The following JAKMIP2 variants were observed in gnomAD, a reference collection of about 807,000 sequenced individuals.
The protein encoded by JAKMIP2 is janus kinase and microtubule interacting protein 2.
A neutral mutation model predicts 115.0 loss-of-function variants in JAKMIP2; 25 were observed. The ratio of observed to expected loss-of-function variants is 0.22; its 90% CI spans 0.16 to 0.30. The LOEUF (loss-of-function observed/expected upper bound fraction) is 0.30, where lower values mean the gene tolerates loss of function less well. Among genes scored for constraint, JAKMIP2 ranks in the 10% least tolerant of loss-of-function variants. JAKMIP2 has a pLI of 1.00. For missense variants in JAKMIP2, 642 were observed against 957.6 expected, an observed-to-expected ratio of 0.67 and a Z score of 4.35; for synonymous variants, 334 against 343.6, an observed-to-expected ratio of 0.97 and a Z score of 0.31.
intron 1 of JAKMIP2, among the ~76,000 whole-genome samples, chr5:147,763,603 T>G (rs1242701496): frequency 6.6e-6 from 1 of 152,114 alleles, no homozygotes; most frequent in Non-Finnish European, 1.5e-5. Flanking sequence ...CTTCCACAAT[T>G]GGGTAAATAT....
chr5:147,657,552 T>C (rs1374613161), intron 3 of JAKMIP2, among the ~76,000 whole-genome samples: 1 of 152,198 alleles, frequency 6.6e-6, no homozygotes, highest in African/African-American at 2.4e-5. Context: ...TTGGCCTGTC[T>C]TGCTAGGTTG....
intron 16 of JAKMIP2, among the ~76,000 whole-genome samples, chr5:147,625,169 C>G (rs1360976587): frequency 6.6e-6 from 1 of 151,984 alleles, no homozygotes; most frequent in East Asian, 1.9e-4. Context: ...TTAGTAGAGA[C>G]GGGGTTTCAC....
At chr5:147,735,731 G>A (rs561384908) in intron 1 of JAKMIP2, among the ~76,000 whole-genome samples, 43 of 152,304 alleles carry the variant, frequency 2.8e-4, no homozygotes, top group African/African-American at 1.0e-3. Flanking sequence ...TTAATGATTA[G>A]CCTTCTTTCA....
intron 1 of JAKMIP2, among the ~76,000 whole-genome samples, chr5:147,757,845 GA>G (rs1754801906): frequency 6.6e-6 from 1 of 152,038 alleles, no homozygotes; most frequent in African/African-American, 2.4e-5. Flanking sequence ...ATATTTGATA[GA>G]AATATGATGA....
chr5:147,761,591 A>G (rs1384661143), intron 1 of JAKMIP2, among the ~76,000 whole-genome samples: 1 of 152,154 alleles, frequency 6.6e-6, no homozygotes, highest in Non-Finnish European at 1.5e-5. Flanking sequence ...TATATTTAAC[A>G]GCTGAGAAAA....
At chr5:147,620,573 C>T (rs978659214) in intron 18 of JAKMIP2, 93 bp downstream of exon 18, 2 of 825,958 alleles carry the variant, frequency 2.4e-6, no homozygotes, top group Admixed American at 4.2e-5. Flanking sequence ...GTGATCTATT[C>T]AAGTACATAG....
intron 1 of JAKMIP2, among the ~76,000 whole-genome samples, chr5:147,700,254 G>A (rs1752270565): frequency 6.6e-6 from 1 of 151,560 alleles, no homozygotes; most frequent in East Asian, 1.9e-4. Context: ...ATAAAATAAG[G>A]GATATAAACA....
intron 21 of JAKMIP2, among the ~76,000 whole-genome samples, chr5:147,598,462 T>TCTATCTATCTCTCAC (rs1554123568): frequency 6.7e-6 from 1 of 148,302 alleles, no homozygotes; most frequent in African/African-American, 2.5e-5. Flanking sequence ...CTATCTATCA[T>TCTATCTATCTCTCAC]CTATCTATGT....
chr5:147,661,205 C>A lies in JAKMIP2; in HGVS notation c.370G>T (p.Gly124Cys), dbSNP rs924990107. 1 of 1,614,014 alleles carries A rather than the reference C, an allele frequency of 6.2e-7. No homozygotes were observed. The highest frequency in any genetic ancestry group is 1.1e-5 in the South Asian group (1 of 91,064). Reference sequence around the variant, plus strand: ...GCTGTCCTTACTTTGTCACTGCTGCCGTCGCGGAGAGCACAGAGAGCAGAC... The same window carrying A: ...GCTGTCCTTACTTTGTCACTGCTGCAGTCGCGGAGAGCACAGAGAGCAGAC... ...LKSALCALRD[G>C]SSDKVRTALT... Residue 124 changes from glycine (G) to cysteine (C), a missense_variant, in exon 3 of 22, where the codon GGC becomes TGC. This residue lies in a region of JAKMIP2 where 439 missense variants were observed against 570.9 expected (regional missense o/e 0.77). Coordinates refer to ENST00000616793, the MANE Select transcript of JAKMIP2 (RefSeq NM_001270941.2).
intron 1 of JAKMIP2, among the ~76,000 whole-genome samples, chr5:147,699,985 A>G (rs943261608): frequency 1.3e-5 from 2 of 152,238 alleles, no homozygotes; most frequent in African/African-American, 4.8e-5. Flanking sequence ...TACGCTATCT[A>G]TGTTGGTTGA....
At chr5:147,782,248 A>T (rs1202147702) in intron 1 of JAKMIP2, among the ~76,000 whole-genome samples, 4 of 144,820 alleles carry the variant, frequency 2.8e-5, no homozygotes, top group Non-Finnish European at 6.1e-5. Flanking sequence ...TCAGAACACC[A>T]TTTTTTTTTT....
chr5:147,688,868 A>G (rs1760699009), intron 1 of JAKMIP2, among the ~76,000 whole-genome samples: 1 of 152,272 alleles, frequency 6.6e-6, no homozygotes, highest in African/African-American at 2.4e-5. Context: ...ACAGCAGTGA[A>G]TAAATAAAAC....
At chr5:147,647,937 T>TA (rs1758205461) in intron 5 of JAKMIP2, among the ~76,000 whole-genome samples, 1 of 152,236 alleles carries the variant, frequency 6.6e-6, no homozygotes, top group African/African-American at 2.4e-5. Flanking sequence ...TATATTGTGA[T>TA]ATATTATTTG....
chr5:147,728,013 A>G (rs971931369), intron 1 of JAKMIP2, among the ~76,000 whole-genome samples: 3 of 152,210 alleles, frequency 2.0e-5, no homozygotes, highest in Non-Finnish European at 2.9e-5. Flanking sequence ...CCAGGGATTA[A>G]AAGCAGACAG....
At chr5:147,593,095 C>T (rs150089083) in intron 21 of JAKMIP2, among the ~76,000 whole-genome samples, 15 of 152,270 alleles carry the variant, frequency 9.9e-5, no homozygotes, top group Admixed American at 2.0e-4. Context: ...TCTCATCTTC[C>T]CTTGCTTATA....
chr5:147,660,402 T>C (rs1021880903), intron 3 of JAKMIP2: 3 of 436,616 alleles, frequency 6.9e-6, no homozygotes, highest in African/African-American at 6.1e-5. Flanking sequence ...TTGGGAAAAA[T>C]ATCTATGTTT....
At chr5:147,699,461 A>G (rs751255104) in intron 1 of JAKMIP2, among the ~76,000 whole-genome samples, 1 of 152,112 alleles carries the variant, frequency 6.6e-6, no homozygotes, top group South Asian at 2.1e-4. Flanking sequence ...TTAGAGAGGG[A>G]CTCTTTAAAT....
chr5:147,772,601 ATAAAAT>A (rs1755402652), intron 1 of JAKMIP2, among the ~76,000 whole-genome samples: 1 of 151,786 alleles, frequency 6.6e-6, no homozygotes. Flanking sequence ...TGTCAAAATT[ATAAAAT>A]TTGGATAAAA....
At chr5:147,769,258 T>C (rs1052593962) in intron 1 of JAKMIP2, among the ~76,000 whole-genome samples, 8 of 152,234 alleles carry the variant, frequency 5.3e-5, no homozygotes, top group Non-Finnish European at 1.0e-4. Flanking sequence ...CATAATCATC[T>C]TCCTCATCAT....
Sources: gnomAD v4.1 joint callset for allele counts (sites outside exome capture counted in the v4.1 genomes callset) on GRCh38, gnomAD v4.1.1 for gene constraint, gnomAD v4.1.1 regional missense constraint, MANE v1.5 for transcripts, NCBI Gene and HGNC (gene_info 2026-07-23, HGNC 2026-07-21) for gene names.